The following PRKG1 variants were observed in gnomAD, a reference collection of about 807,000 sequenced individuals.
PRKG1 encodes cGMP-dependent protein kinase 1.
Under a neutral mutation model 88.1 loss-of-function variants are expected in PRKG1, and 35 were observed. That is an observed-to-expected ratio of 0.40 (90% CI 0.30 to 0.53). The LOEUF (loss-of-function observed/expected upper bound fraction) is 0.53, where lower values mean the gene tolerates loss of function less well. Among genes scored for constraint, PRKG1 ranks in the 20% least tolerant of loss-of-function variants. PRKG1 has a pLI of 0.59. For synonymous variants in PRKG1, 303 were observed against 292.5 expected (o/e 1.04, Z -0.37); for missense variants, 540 against 839.8 (o/e 0.64, Z 4.41).
intron 3 of PRKG1, among the ~76,000 whole-genome samples, chr10:51,541,736 A>G (rs1842308299): frequency 6.6e-6 from 1 of 150,576 alleles, no homozygotes; most frequent in African/African-American, 2.4e-5. Context: ...TTATTTTCAG[A>G]AAAAAAAACA....
chr10:51,957,375 T>C (rs1386532578), intron 5 of PRKG1, among the ~76,000 whole-genome samples: 1 of 151,782 alleles, frequency 6.6e-6, no homozygotes, highest in Non-Finnish European at 1.5e-5. Context: ...CATTACAACC[T>C]AAGACTCCTG....
chr10:52,016,282 A>G (rs1845037414), intron 5 of PRKG1, among the ~76,000 whole-genome samples: 1 of 152,236 alleles, frequency 6.6e-6, no homozygotes, highest in South Asian at 2.1e-4. Context: ...GGCAGAAGGC[A>G]AAGAGGAATC....
intron 7 of PRKG1, among the ~76,000 whole-genome samples, chr10:52,118,561 G>T (rs1847742455): frequency 6.6e-6 from 1 of 151,736 alleles, no homozygotes; most frequent in South Asian, 2.1e-4. Context: ...CACAATTTTT[G>T]GTAAAAATTG....
chr10:51,061,806 A>G (rs1312642389), intron 1 of PRKG1, among the ~76,000 whole-genome samples: 1 of 152,234 alleles, frequency 6.6e-6, no homozygotes, highest in African/African-American at 2.4e-5. Flanking sequence ...TCAGTTTCAA[A>G]AAGTTCTTTG....
chr10:51,760,246 T>G (rs1057333108), intron 3 of PRKG1, among the ~76,000 whole-genome samples: 4 of 152,246 alleles, frequency 2.6e-5, no homozygotes, highest in South Asian at 2.1e-4. Flanking sequence ...AATGTTTACC[T>G]TTTATGTAAT....
rs57320165 is a variant in PRKG1 at position 51,899,671 on chromosome 10, G to GTATATATATATATATATATATA, written c.699-7833_699-7812dup. ...AGAGTCTGTCAAAAAAAAGAAAAAT[G>GTATATATATATATATATATATA]TATATATATATATATATATATATAC... On this transcript the variant is annotated intron_variant, in intron 4 of 17. Transcript: ENST00000373980. Among the ~76,000 whole-genome samples, 793 of 120,086 alleles carry GTATATATATATATATATATATA rather than the reference G, an allele frequency of 6.6e-3. 13 individuals are homozygous for GTATATATATATATATATATATA. Among genetic ancestry groups the GTATATATATATATATATATATA allele is most frequent in the African/African-American group, 9.3e-3 (305 of 32,872 alleles). 78.8% of individuals were successfully genotyped at this position (120,086 alleles called of 152,430 possible). A position where few individuals can be genotyped will look rare whatever the true frequency, so the allele number is the denominator to read the frequency against.
In PRKG1 at chr10:51,906,027, G is replaced by C. The variant is rs527475065; in HGVS notation, c.699-1480G>C. Reference sequence around the variant, plus strand: ...TACGAGATTAAAGAGATCGTGATAGGAGAACTTGACCTAGCTGGAGAGGGG... The same window carrying C: ...TACGAGATTAAAGAGATCGTGATAGCAGAACTTGACCTAGCTGGAGAGGGG... On this transcript the variant is annotated intron_variant, in intron 4 of 17. Coordinates refer to ENST00000373980, the MANE Select transcript of PRKG1 (RefSeq NM_006258.4). 1.3e-3 allele frequency among the ~76,000 whole-genome samples: 194 copies of C among 152,232 alleles called. 6 individuals carry two copies. The South Asian group carries it at 0.031, about 25-fold the overall frequency.
rs1342559276 is a variant in PRKG1, at chr10:52,034,297, G to C, written c.763-20187G>C. ...AAATTTTTGGGTGGTGGTATGGAGAGAGAATGGGCGATGTTTCTCAGGGCT... is the reference window on the plus strand; with the variant it reads ...AAATTTTTGGGTGGTGGTATGGAGACAGAATGGGCGATGTTTCTCAGGGCT... On this transcript the variant is annotated intron_variant, in intron 5 of 17. Transcript: ENST00000373980. 2.2e-5 allele frequency among the ~76,000 whole-genome samples: 3 copies of C among 138,758 alleles called. 1 individual carries two copies. Among genetic ancestry groups the C allele is most frequent in the Admixed American group, 7.3e-5 (1 of 13,610 alleles). 91.0% of individuals were successfully genotyped at this position (138,758 alleles called of 152,430 possible).
At chr10:51,811,419 C>T (rs921815953) in intron 4 of PRKG1, among the ~76,000 whole-genome samples, 1 of 151,938 alleles carries the variant, frequency 6.6e-6, no homozygotes, top group African/African-American at 2.4e-5. Flanking sequence ...CCAACAGGCA[C>T]TTTATTTTGA....
At chr10:51,775,920 A>G (rs1418836465) in intron 3 of PRKG1, among the ~76,000 whole-genome samples, 2 of 152,014 alleles carry the variant, frequency 1.3e-5, no homozygotes, top group South Asian at 2.1e-4. Flanking sequence ...TCTTTCCTTC[A>G]TGGTTACCCT....
At chr10:52,275,664 G>A (rs938532396) in intron 12 of PRKG1, among the ~76,000 whole-genome samples, 6 of 152,036 alleles carry the variant, frequency 3.9e-5, no homozygotes, top group African/African-American at 1.2e-4. Flanking sequence ...GGCTATGTGG[G>A]CTCTTTTATG....
At chr10:51,412,179 GT>G (rs1838106522) in intron 2 of PRKG1, among the ~76,000 whole-genome samples, 1 of 120,620 alleles carries the variant, frequency 8.3e-6, no homozygotes, top group Non-Finnish European at 1.7e-5. Flanking sequence ...AGGAGAGAGA[GT>G]GAGAGAGAGA....
At chr10:51,900,695 C>T (rs11000006) in intron 4 of PRKG1, among the ~76,000 whole-genome samples, 1,526 of 152,260 alleles carry the variant, frequency 0.01, 28 homozygotes, top group African/African-American at 0.034. Flanking sequence ...GCAAAAACCA[C>T]TGTCTGTTAT....
At chr10:51,637,211 G>A (rs748996228) in intron 3 of PRKG1, among the ~76,000 whole-genome samples, 3 of 151,980 alleles carry the variant, frequency 2.0e-5, no homozygotes, top group East Asian at 1.9e-4. Context: ...TCAAAACCAC[G>A]ATGAGATATC....
intron 10 of PRKG1, among the ~76,000 whole-genome samples, chr10:52,266,138 C>T (rs944428752): frequency 5.9e-5 from 9 of 151,814 alleles, no homozygotes; most frequent in African/African-American, 2.2e-4. Flanking sequence ...CTATTATTGA[C>T]AACTTACGTT....
intron 2 of PRKG1, among the ~76,000 whole-genome samples, chr10:51,171,488 T>A (rs1846705436): frequency 6.6e-6 from 1 of 152,114 alleles, no homozygotes; most frequent in Non-Finnish European, 1.5e-5. Context: ...TCAGCTGTTG[T>A]CTTTTCTACA....
At chr10:51,623,375 A>G (rs149122013) in intron 3 of PRKG1, among the ~76,000 whole-genome samples, 1 of 152,002 alleles carries the variant, frequency 6.6e-6, no homozygotes, top group Admixed American at 6.6e-5. Context: ...TAATTTTTTT[A>G]ACTATTTGTA....
At chr10:52,016,868 A>G (rs944532209) in intron 5 of PRKG1, among the ~76,000 whole-genome samples, 17 of 152,300 alleles carry the variant, frequency 1.1e-4, no homozygotes, top group East Asian at 1.9e-4. Flanking sequence ...AAAGAGATGA[A>G]GAGAAGAAGG....
chr10:51,572,905 G>A (rs1033787784), intron 3 of PRKG1, among the ~76,000 whole-genome samples: 3 of 151,692 alleles, frequency 2.0e-5, no homozygotes, highest in African/African-American at 4.8e-5. Flanking sequence ...CTGTGTCCAC[G>A]TATACCAAAA....
Sources: allele counts gnomAD v4.1 joint callset (sites outside exome capture counted in the v4.1 genomes callset), GRCh38; gene constraint gnomAD v4.1.1; transcripts MANE v1.5; gene names NCBI Gene and HGNC (gene_info 2026-07-23, HGNC 2026-07-21).